ARHGAP18: variants seen among roughly 807,000 people sequenced by gnomAD.
The protein encoded by ARHGAP18 is rho GTPase-activating protein 18.
Under a neutral mutation model 86.2 loss-of-function variants are expected in ARHGAP18, and 67 were observed. That is an observed-to-expected ratio of 0.78 (90% CI 0.64 to 0.95). The LOEUF is 0.95. Ranked by LOEUF, ARHGAP18 falls within the 40% of genes least tolerant of loss-of-function variation. The pLI, the probability that ARHGAP18 is intolerant of heterozygous loss-of-function variation, is 0.00. For synonymous variants in ARHGAP18, 283 were observed against 280.4 expected (o/e 1.01, Z -0.09); for missense variants, 691 against 780.4 (o/e 0.89, Z 1.37).
intron 1 of ARHGAP18, among the ~76,000 whole-genome samples, chr6:129,699,389 G>GA (rs879294264): frequency 6.6e-6 from 1 of 152,094 alleles, no homozygotes; most frequent in Admixed American, 6.6e-5. Flanking sequence ...ACTAGAAGCA[G>GA]AAAAAAATCA....
intron 1 of ARHGAP18, among the ~76,000 whole-genome samples, chr6:129,667,315 T>C (rs933055773): frequency 2.6e-5 from 4 of 152,142 alleles, no homozygotes; most frequent in East Asian, 1.9e-4. Flanking sequence ...CAGGGATAGA[T>C]AGAATTGAAC....
intron 3 of ARHGAP18, among the ~76,000 whole-genome samples, chr6:129,637,675 A>G (rs914576101): frequency 3.9e-5 from 6 of 152,206 alleles, no homozygotes; most frequent in African/African-American, 1.4e-4. Context: ...CATATTCAAA[A>G]AAGGCAAACA....
chr6:129,683,696 T>A (rs2114539484), intron 1 of ARHGAP18, among the ~76,000 whole-genome samples: 1 of 152,316 alleles, frequency 6.6e-6, no homozygotes, highest in South Asian at 2.1e-4. Flanking sequence ...TTTCCTTATT[T>A]CACAATTTTC....
chr6:129,709,560 A>C (rs773416256), intron 1 of ARHGAP18, among the ~76,000 whole-genome samples: 1 of 152,088 alleles, frequency 6.6e-6, no homozygotes, highest in East Asian at 1.9e-4. Context: ...TGCTTTCAGC[A>C]AAGAGAGGGG....
At position 129,653,975 on chromosome 6, in the gene ARHGAP18, C is replaced by G. The variant is rs374081865; in HGVS notation, c.114-11957G>C. ...AGAGGATCCCTTGAGCCCAGAACTT[C>G]AAGGCTACAGTGAGCTATGATCATA... On this transcript the variant is annotated intron_variant, in intron 1 of 14. Coordinates refer to ENST00000368149, the MANE Select transcript of ARHGAP18 (RefSeq NM_033515.3). Among the ~76,000 whole-genome samples the G allele has an allele frequency of 9.4e-4, 143 of 152,238 alleles. 2 individuals carry two copies. Among genetic ancestry groups the G allele is most frequent in the African/African-American group, 3.3e-3 (137 of 41,546 alleles).
At chr6:129,680,011 TCTC>T (rs1774298111) in intron 1 of ARHGAP18, among the ~76,000 whole-genome samples, 1 of 152,128 alleles carries the variant, frequency 6.6e-6, no homozygotes, top group Non-Finnish European at 1.5e-5. Context: ...TTTACATGCT[TCTC>T]CTCTGCATAT....
chr6:129,581,012 A>C (rs1445451302), intron 13 of ARHGAP18, among the ~76,000 whole-genome samples: 3 of 152,256 alleles, frequency 2.0e-5, no homozygotes, highest in Non-Finnish European at 4.4e-5. Flanking sequence ...CTAAAAATTC[A>C]GATGGAGAGC....
intron 4 of ARHGAP18, among the ~76,000 whole-genome samples, chr6:129,632,223 T>C (rs1773233703): frequency 6.6e-6 from 1 of 152,164 alleles, no homozygotes; most frequent in South Asian, 2.1e-4. Context: ...ACAGGTGCAA[T>C]AGGGAATACT....
chr6:129,622,652 G>T (rs962290362), intron 5 of ARHGAP18, among the ~76,000 whole-genome samples: 2 of 152,018 alleles, frequency 1.3e-5, no homozygotes, highest in South Asian at 4.2e-4. Context: ...TTGGCTAAGA[G>T]AAAGCAGTGA....
At chr6:129,609,103 G>C (rs1022202368) in intron 8 of ARHGAP18, among the ~76,000 whole-genome samples, 14 of 144,634 alleles carry the variant, frequency 9.7e-5, no homozygotes, top group Middle Eastern at 3.5e-3. Context: ...AAAGAATGAG[G>C]GGGGAAAGAA....
intron 1 of ARHGAP18, among the ~76,000 whole-genome samples, chr6:129,697,556 T>C (rs1428697006): frequency 6.6e-6 from 1 of 152,184 alleles, no homozygotes; most frequent in Non-Finnish European, 1.5e-5. Flanking sequence ...ATTTACTACC[T>C]GTCAGGCCTC....
chr6:129,625,550 T>C (rs1371533930), intron 5 of ARHGAP18, among the ~76,000 whole-genome samples: 3 of 60,330 alleles, frequency 5.0e-5, no homozygotes, highest in African/African-American at 1.8e-4. Context: ...ATTATATATA[T>C]TTATTATATA....
chr6:129,581,280 T>C (rs1046137935), intron 13 of ARHGAP18, among the ~76,000 whole-genome samples: 2 of 152,226 alleles, frequency 1.3e-5, no homozygotes, highest in African/African-American at 4.8e-5. Context: ...CCCTGCCCTG[T>C]GTCCCTGGCA....
intron 8 of ARHGAP18, among the ~76,000 whole-genome samples, chr6:129,609,219 G>C (rs1024526297): frequency 6.6e-6 from 1 of 152,056 alleles, no homozygotes; most frequent in South Asian, 2.1e-4. Flanking sequence ...GAGAAATTTG[G>C]TGGGGCCAGG....
intron 11 of ARHGAP18, among the ~76,000 whole-genome samples, chr6:129,600,405 G>A (rs1222371887): frequency 6.6e-6 from 1 of 152,006 alleles, no homozygotes; most frequent in Non-Finnish European, 1.5e-5. Flanking sequence ...AAATACAGCA[G>A]GCCTAAACAC....
chr6:129,645,543 A>G (rs1773560812), intron 1 of ARHGAP18, among the ~76,000 whole-genome samples: 1 of 152,060 alleles, frequency 6.6e-6, no homozygotes, highest in South Asian at 2.1e-4. Context: ...CAATTATTCC[A>G]AGTTCCTTCC....
intron 5 of ARHGAP18, among the ~76,000 whole-genome samples, chr6:129,625,192 TGA>T (rs1789350445): frequency 1.1e-5 from 1 of 93,970 alleles, no homozygotes; most frequent in African/African-American, 5.0e-5. Context: ...ATATTATATA[TGA>T]TATATATTTA....
At chr6:129,633,998 A>G (rs1309544016) in intron 4 of ARHGAP18, 44 bp downstream of exon 4, 5 of 1,501,618 alleles carry the variant, frequency 3.3e-6, no homozygotes, top group Non-Finnish European at 4.5e-6. Flanking sequence ...TATACTAATT[A>G]AAGGGCGGAA....
chr6:129,624,576 G>C (rs889755603), intron 5 of ARHGAP18, among the ~76,000 whole-genome samples: 1 of 151,898 alleles, frequency 6.6e-6, no homozygotes, highest in African/African-American at 2.4e-5. Context: ...TAGTCTGGCA[G>C]AGTGGATCAT....
Sources: allele counts gnomAD v4.1 joint callset (sites outside exome capture counted in the v4.1 genomes callset), GRCh38; gene constraint gnomAD v4.1.1; transcripts MANE v1.5; gene names NCBI Gene and HGNC (gene_info 2026-07-23, HGNC 2026-07-21).